AKAP8L: variants seen among roughly 807,000 people sequenced by gnomAD.
AKAP8L encodes the protein A-kinase anchor protein 8-like.
Under a neutral mutation model 77.5 loss-of-function variants are expected in AKAP8L, and 34 were observed. The ratio of observed to expected loss-of-function variants is 0.44; its 90% confidence interval spans 0.33 to 0.58. The LOEUF is 0.58. Ranked by LOEUF, AKAP8L falls within the 20% of genes least tolerant of loss-of-function variation. The pLI is 0.02. For synonymous variants in AKAP8L, 342 were observed against 340.7 expected (o/e 1.00, Z -0.04); for missense variants, 806 against 887.6 (o/e 0.91, Z 1.17).
intron 2 of AKAP8L, among the ~76,000 whole-genome samples, chr19:15,409,197 CAAGAG>C (rs1308028868): frequency 6.6e-6 from 1 of 152,090 alleles, no homozygotes; most frequent in Non-Finnish European, 1.5e-5. Flanking sequence ...GACACACTGA[CAAGAG>C]AATAGACAAG....
At chr19:15,412,561 T>A (rs1474445662) in intron 1 of AKAP8L, among the ~76,000 whole-genome samples, 2 of 152,146 alleles carry the variant, frequency 1.3e-5, no homozygotes, top group African/African-American at 2.4e-5. Flanking sequence ...ACATATATAT[T>A]TTTTTGAGAC....
rs1351335234 is a variant in AKAP8L, at chr19:15,397,466, C to G, written c.1405+54G>C. On this transcript the variant is annotated intron_variant, in intron 11 of 13. Coordinates refer to ENST00000397410, the MANE Select transcript of AKAP8L (RefSeq NM_014371.4). This position sits in a 1 kb window ranked among gnomAD's most constrained non-coding sequence, Gnocchi z 4.7. Reference sequence around the variant, plus strand: ...GGTGTCCTGACCCTGCACCGAAAATCAGGAGTGCAGGCTGAGGCCTTGCCT... The same window carrying G: ...GGTGTCCTGACCCTGCACCGAAAATGAGGAGTGCAGGCTGAGGCCTTGCCT... 3 of 1,544,830 alleles carry G rather than the reference C, an allele frequency of 1.9e-6. No individual in the cohort carries two copies. Among genetic ancestry groups the G allele is most frequent in the Non-Finnish European group, 2.7e-6 (3 of 1,122,198 alleles).
Position 15,411,886 on chromosome 19 carries a change from T to TCTACTAAAAATACAAAAATTAG in AKAP8L, c.14-1314_14-1293dup, listed in dbSNP as rs1287050126. 3.3e-5 allele frequency among the ~76,000 whole-genome samples: 5 copies of TCTACTAAAAATACAAAAATTAG among 152,160 alleles called. No individual in the cohort carries two copies. The East Asian group carries it at 5.8e-4, about 18-fold the overall frequency. ...CTGGCCAACATGGTGAAACCCCATC[T>TCTACTAAAAATACAAAAATTAG]CTACTAAAAATACAAAAATTAGCTA... On this transcript the variant is annotated intron_variant, in intron 1 of 13. Transcript: ENST00000397410.
At chr19:15,410,647 A>ATTTC in intron 1 of AKAP8L, 53 bp from the exon 2 acceptor site, 3 of 1,370,404 alleles carry the variant, frequency 2.2e-6, no homozygotes, top group Non-Finnish European at 3.1e-6. Flanking sequence ...CAGGGAAATG[A>ATTTC]CCTGAGACTA....
At chr19:15,411,453 C>A (rs1968103122) in intron 1 of AKAP8L, among the ~76,000 whole-genome samples, 1 of 150,864 alleles carries the variant, frequency 6.6e-6, no homozygotes. Context: ...AGGGTGAAAC[C>A]CTGTCTCTAC....
At chr19:15,418,714 C>T (rs1968265574) in intron 1 of AKAP8L, among the ~76,000 whole-genome samples, 197 bp downstream of exon 1, 1 of 152,206 alleles carries the variant, frequency 6.6e-6, no homozygotes, top group Admixed American at 6.5e-5. Flanking sequence ...GCCGGGACGC[C>T]GGCTGCAGAC....
rs368820903 is a variant in AKAP8L, at chr19:15,380,386, C to T, written c.1677G>A (p.Gln559=). 6.2e-5 allele frequency: 98 copies of T among 1,582,296 alleles called. No individual in the cohort carries two copies. Among genetic ancestry groups the T allele is most frequent in the Non-Finnish European group, 8.1e-5 (94 of 1,166,630 alleles). The part of the protein sequence containing the change: ...FTDSPEEEKE[Q]EEAEGGALDE... ...CCAGGGCACCGCCCTCAGCCTCCTC[C>T]TGCTCCTTCTCCTCCTCGGGGCTGT... The change falls in exon 14 of 14, where the codon CAG becomes CAA. Residue 559 remains glutamine (Q), a synonymous_variant. Coordinates refer to ENST00000397410, the MANE Select transcript of AKAP8L (RefSeq NM_014371.4).
intron 2 of AKAP8L, among the ~76,000 whole-genome samples, chr19:15,406,465 A>G: frequency 6.6e-6 from 1 of 150,468 alleles, no homozygotes. Context: ...AAAATAAGAT[A>G]TATGTACATA....
chr19:15,406,172 A>C (rs1381623137), intron 2 of AKAP8L, among the ~76,000 whole-genome samples: 1 of 152,030 alleles, frequency 6.6e-6, no homozygotes, highest in Non-Finnish European at 1.5e-5. Context: ...AACACTCACT[A>C]CATGCCACTT....
In AKAP8L at chr19:15,401,654, C is replaced by T. The variant is rs541986179; in HGVS notation, c.363-51G>A. On this transcript the variant is annotated intron_variant, in intron 4 of 13. Coordinates refer to ENST00000397410, the MANE Select transcript of AKAP8L (RefSeq NM_014371.4). This position sits in a 1 kb window ranked among gnomAD's most constrained non-coding sequence, Gnocchi z 6.2. ...GGTGGAGCCCCTCAGGATCCCTCAC[C>T]TCCAGGCAACTGCTCCTGCCCTCCC... 21 of 1,407,844 alleles carry T rather than the reference C, an allele frequency of 1.5e-5. No homozygotes were observed. The Middle Eastern group carries it at 5.7e-4, about 38-fold the overall frequency. The allele number at this position is 1,407,844 out of a possible 1,614,324, so 87.2% of individuals were successfully genotyped here.
rs752548413 is a variant in AKAP8L at position 15,397,267 on chromosome 19, C to T, written c.1419G>A (p.Glu473=). The change falls in exon 12 of 14, where the codon GAG becomes GAA. Residue 473 remains glutamate, a synonymous_variant. Transcript: ENST00000397410. This position sits in a 1 kb window ranked among gnomAD's most constrained non-coding sequence, Gnocchi z 4.7. ...CTGCCTCCACCTTCTTCACAAAATG[C>T]TCCATGGCAATTTCTGTAGTGGGGA... ...DQDLTQEIAM[E]HFVKKVEAAH... The T allele has an allele frequency of 1.2e-6, 2 of 1,614,014 alleles. No individual in the cohort carries two copies. The highest frequency in any genetic ancestry group is 2.2e-5 in the East Asian group (1 of 44,892).
chr19:15,385,950 G>C (rs1205082338), intron 12 of AKAP8L, among the ~76,000 whole-genome samples: 1 of 142,814 alleles, frequency 7.0e-6, no homozygotes, highest in Admixed American at 7.2e-5. Flanking sequence ...TCACTCTGTT[G>C]CCCAGGCTGG....
rs546812906 is a variant in AKAP8L, at chr19:15,388,609, T to C, written c.1537-7997A>G. On this transcript the variant is annotated intron_variant, in intron 12 of 13. Transcript: ENST00000397410. ...AATCCATTTGAAGGACTCAACAGAT[T>C]TGAACTTAAGAATTAGTGAACTTGG... Among the ~76,000 whole-genome samples the C allele has an allele frequency of 3.3e-5, 5 of 152,178 alleles. No individual in the cohort carries two copies. In the South Asian group the frequency reaches 1.0e-3, roughly 32 times the overall value.
chr19:15,409,955 T>C (rs1438767186), intron 2 of AKAP8L, among the ~76,000 whole-genome samples: 1 of 152,226 alleles, frequency 6.6e-6, no homozygotes, highest in African/African-American at 2.4e-5. Context: ...TGGACTTTTT[T>C]TTTTTTGAGA....
At chr19:15,415,520 T>C (rs1968187167) in intron 1 of AKAP8L, among the ~76,000 whole-genome samples, 2 of 152,188 alleles carry the variant, frequency 1.3e-5, no homozygotes, top group Admixed American at 6.5e-5. Flanking sequence ...AGACAGGATC[T>C]TGCTCTGTTG....
chr19:15,392,531 CA>C (rs954855883), intron 12 of AKAP8L, among the ~76,000 whole-genome samples: 7 of 150,824 alleles, frequency 4.6e-5, no homozygotes, highest in Non-Finnish European at 7.4e-5. Flanking sequence ...TATACACATG[CA>C]AAAAAAATCC....
At chr19:15,409,554 TAGTAAA>T (rs1968068509) in intron 2 of AKAP8L, among the ~76,000 whole-genome samples, 1 of 152,176 alleles carries the variant, frequency 6.6e-6, no homozygotes, top group African/African-American at 2.4e-5. Context: ...CAGATCTTGG[TAGTAAA>T]AGAAATTACC....
chr19:15,400,115 G>A, intron 8 of AKAP8L, 180 bp downstream of exon 8: 1 of 632,208 alleles, frequency 1.6e-6, no homozygotes, highest in Non-Finnish European at 2.8e-6. Flanking sequence ...GAAGGAGGAG[G>A]AAGAGTGGGA....
chr19:15,394,646 C>T (rs1003745169), intron 12 of AKAP8L, among the ~76,000 whole-genome samples: 1 of 152,002 alleles, frequency 6.6e-6, no homozygotes, highest in Non-Finnish European at 1.5e-5. Context: ...TAGCCTCAAG[C>T]GATCCTCCCA....
Sources: gnomAD v4.1 joint callset for allele counts (sites outside exome capture counted in the v4.1 genomes callset) on GRCh38, gnomAD v4.1.1 for gene constraint, Gnocchi (gnomAD v3.1) non-coding constraint, MANE v1.5 for transcripts, NCBI Gene and HGNC (gene_info 2026-07-23, HGNC 2026-07-21) for gene names.